FGF12: variants seen among roughly 807,000 people sequenced by gnomAD.
The protein encoded by FGF12 is fibroblast growth factor 12, also known as fibroblast growth factor 12B.
Under a neutral mutation model 23.6 loss-of-function variants are expected in FGF12, and 14 were observed. The observed-to-expected ratio is 0.59, with a 90% CI of 0.39 to 0.93. The LOEUF is 0.93. FGF12 is among the 40% of genes least tolerant of loss of function. The probability of loss-of-function intolerance (pLI) is 0.00; values close to 1 mark genes in which losing one functional copy is unlikely to be tolerated. For missense variants in FGF12, 175 were observed against 217.8 expected (o/e 0.80, Z 1.24); for synonymous variants, 62 against 77.3 (o/e 0.80, Z 1.04).
chr3:192,663,759 T>C (rs996215320), intron 2 of FGF12, among the ~76,000 whole-genome samples: 1 of 151,754 alleles, frequency 6.6e-6, no homozygotes, highest in East Asian at 1.9e-4. Context: ...CTGCAATCAA[T>C]ATATATTTTT....
intron 2 of FGF12, among the ~76,000 whole-genome samples, chr3:192,581,438 G>GTA (rs1184343971): frequency 7.7e-5 from 11 of 142,022 alleles, no homozygotes; most frequent in South Asian, 6.8e-4. Flanking sequence ...ATATATATAT[G>GTA]TATATATATG....
At chr3:192,406,362 C>T (rs577272847) in intron 2 of FGF12, among the ~76,000 whole-genome samples, 1 of 151,878 alleles carries the variant, frequency 6.6e-6, no homozygotes, top group South Asian at 2.1e-4. Context: ...TATAATTTTC[C>T]CAACTAGAGT....
intron 4 of FGF12, among the ~76,000 whole-genome samples, chr3:192,188,450 C>CT (rs1270172078): frequency 3.3e-5 from 5 of 152,162 alleles, no homozygotes; most frequent in African/African-American, 1.2e-4. Flanking sequence ...TTCCAAGAGG[C>CT]TACAGTTGGT....
At chr3:192,529,878 G>A (rs1384948003) in intron 2 of FGF12, among the ~76,000 whole-genome samples, 2 of 152,108 alleles carry the variant, frequency 1.3e-5, no homozygotes, top group Non-Finnish European at 2.9e-5. Flanking sequence ...CAACATATGG[G>A]AATTCAAGAT....
intron 4 of FGF12, among the ~76,000 whole-genome samples, chr3:192,201,726 AG>A (rs1481596840): frequency 6.6e-6 from 1 of 152,218 alleles, no homozygotes; most frequent in African/African-American, 2.4e-5. Flanking sequence ...TTATTTAACT[AG>A]ATGTCTCATT....
chr3:192,506,356 T>C (rs1724294984), intron 2 of FGF12, among the ~76,000 whole-genome samples: 1 of 152,204 alleles, frequency 6.6e-6, no homozygotes. Flanking sequence ...TCTTTTTTTG[T>C]TTTTTGTTTT....
At chr3:192,596,238 A>G (rs1428233778) in intron 2 of FGF12, among the ~76,000 whole-genome samples, 1 of 151,656 alleles carries the variant, frequency 6.6e-6, no homozygotes, top group Non-Finnish European at 1.5e-5. Flanking sequence ...ATTGAAAACA[A>G]TGAGTAATTT....
At chr3:192,589,468 A>C (rs371394011) in intron 2 of FGF12, among the ~76,000 whole-genome samples, 113 of 152,040 alleles carry the variant, frequency 7.4e-4, no homozygotes, top group African/African-American at 2.6e-3. Context: ...GCAAATCACA[A>C]TGTTTTGGAA....
chr3:192,158,382 C>CTTTCTTTCTTTCTTTCTTCTTTCTTTCT (rs1325095002), intron 5 of FGF12, among the ~76,000 whole-genome samples: 1 of 81,468 alleles, frequency 1.2e-5, no homozygotes, highest in Non-Finnish European at 2.5e-5. Context: ...TTCTTTCTTT[C>CTTTCTTTCTTTCTTTCTTCTTTCTTTCT]TTTTCTTTCT....
At position 192,141,226 on chromosome 3, in the gene FGF12, G is replaced by T. The variant is rs554733029; in HGVS notation, c.*2783C>A. On this transcript the variant is annotated 3_prime_UTR_variant, in exon 6 of 6. Coordinates refer to ENST00000445105, the MANE Select transcript of FGF12 (RefSeq NM_004113.6). ...AGAAATCAGAACAATGAAAATCAAAGAATTATTATACTTGAAATAAGCCTG... is the reference window on the plus strand; with the variant it reads ...AGAAATCAGAACAATGAAAATCAAATAATTATTATACTTGAAATAAGCCTG... 7.7e-6 allele frequency: 1 copy of T among 129,418 alleles called. No homozygotes were observed. The highest frequency in any genetic ancestry group is 2.6e-4 in the South Asian group (1 of 3,904). The allele number at this position is 129,418 out of a possible 1,614,324, so 8.0% of individuals were successfully genotyped here.
chr3:192,606,879 C>T (rs529438725), intron 2 of FGF12, among the ~76,000 whole-genome samples: 105 of 152,202 alleles, frequency 6.9e-4, no homozygotes, highest in African/African-American at 2.4e-3. Flanking sequence ...TATAAATCCC[C>T]CTCTTCCAAA....
chr3:192,284,641 G>A (rs1215783175), intron 4 of FGF12, among the ~76,000 whole-genome samples: 1 of 152,018 alleles, frequency 6.6e-6, no homozygotes, highest in African/African-American at 2.4e-5. Flanking sequence ...CAGGGAGAGA[G>A]TAATGTTTGT....
chr3:192,663,873 G>A (rs780689345), intron 2 of FGF12, among the ~76,000 whole-genome samples: 10 of 151,918 alleles, frequency 6.6e-5, no homozygotes, highest in East Asian at 1.9e-4. Context: ...GACAACATCC[G>A]TTTGTTCTGT....
chr3:192,320,078 G>A (rs1716454054), intron 4 of FGF12, among the ~76,000 whole-genome samples: 1 of 152,092 alleles, frequency 6.6e-6, no homozygotes, highest in African/African-American at 2.4e-5. Flanking sequence ...TTCAAAACTA[G>A]AGCCAATAAT....
Position 192,460,681 on chromosome 3 carries a change from T to TA in FGF12, c.14-100144_14-100143insT, listed in dbSNP as rs1722837447. 1.1e-4 allele frequency among the ~76,000 whole-genome samples: 14 copies of TA among 131,598 alleles called. No homozygotes were observed. The East Asian group carries it at 2.0e-3, about 19-fold the overall frequency. 86.3% of individuals were successfully genotyped at this position (131,598 alleles called of 152,430 possible). A position where few individuals can be genotyped will look rare whatever the true frequency, so the allele number is the denominator to read the frequency against. ...ACATATACACACACACACACATATATTTATATATATATATATATATATATC... is the reference window on the plus strand; with the variant it reads ...ACATATACACACACACACACATATATATTATATATATATATATATATATATC... On this transcript the variant is annotated intron_variant, in intron 2 of 5. Coordinates refer to ENST00000445105, the MANE Select transcript of FGF12 (RefSeq NM_004113.6).
At chr3:192,242,194 T>C (rs1719649109) in intron 4 of FGF12, among the ~76,000 whole-genome samples, 1 of 152,200 alleles carries the variant, frequency 6.6e-6, no homozygotes, top group African/African-American at 2.4e-5. Context: ...AGAGTAGGAC[T>C]AGTAAATAAA....
At chr3:192,492,507 C>A in intron 2 of FGF12, among the ~76,000 whole-genome samples, 1 of 152,000 alleles carries the variant, frequency 6.6e-6, no homozygotes. Flanking sequence ...GAAACAGTCT[C>A]ATTTCCTCAG....
chr3:192,270,617 G>A (rs190719429), intron 4 of FGF12, among the ~76,000 whole-genome samples: 4 of 152,198 alleles, frequency 2.6e-5, no homozygotes, highest in Admixed American at 2.0e-4. Context: ...TATCTTATAC[G>A]TTATGTATCC....
intron 2 of FGF12, among the ~76,000 whole-genome samples, chr3:192,605,410 C>A (rs1390521108): frequency 2.7e-5 from 4 of 150,792 alleles, no homozygotes; most frequent in African/African-American, 9.7e-5. Flanking sequence ...TAGAAGAAAA[C>A]CCAGGAAACA....
Sources: gnomAD v4.1 joint callset for allele counts (sites outside exome capture counted in the v4.1 genomes callset) on GRCh38, gnomAD v4.1.1 for gene constraint, MANE v1.5 for transcripts, NCBI Gene and HGNC (gene_info 2026-07-23, HGNC 2026-07-21) for gene names.